SLIT2: variants seen among roughly 807,000 people sequenced by gnomAD.
The protein encoded by SLIT2 is slit guidance ligand 2.
Under a neutral mutation model 185.7 loss-of-function variants are expected in SLIT2, and 41 were observed. The ratio of observed to expected loss-of-function variants is 0.22; its 90% CI spans 0.17 to 0.29. SLIT2 has a LOEUF of 0.29. Among genes scored for constraint, SLIT2 ranks in the 10% least tolerant of loss-of-function variants. The pLI is 1.00. For synonymous variants in SLIT2, 693 were observed against 680.2 expected (o/e 1.02, Z -0.29); for missense variants, 1,571 against 1,909.0 (o/e 0.82, Z 3.30).
At chr4:20,606,013 T>G (rs1235893365) in intron 33 of SLIT2, among the ~76,000 whole-genome samples, 1 of 151,970 alleles carries the variant, frequency 6.6e-6, no homozygotes, top group Admixed American at 6.6e-5. Flanking sequence ...CCTCCCAAAG[T>G]GCTAGGATTA....
At chr4:20,257,565 G>A (rs1711978348) in intron 2 of SLIT2, among the ~76,000 whole-genome samples, 1 of 151,962 alleles carries the variant, frequency 6.6e-6, no homozygotes, top group Non-Finnish European at 1.5e-5. Context: ...ATCAAAGAAA[G>A]CTATCAAAGC....
intron 3 of SLIT2, among the ~76,000 whole-genome samples, chr4:20,268,343 T>G (rs2109027529): frequency 6.6e-6 from 1 of 151,870 alleles, no homozygotes; most frequent in East Asian, 1.9e-4. Context: ...CACACCTTTT[T>G]TTTTTTTCCT....
intron 30 of SLIT2, among the ~76,000 whole-genome samples, chr4:20,594,301 A>G (rs1207479061): frequency 6.6e-6 from 1 of 151,150 alleles, no homozygotes; most frequent in Non-Finnish European, 1.5e-5. Context: ...GTATATATAT[A>G]TATGTGTGTG....
At chr4:20,264,063 A>G (rs1181393434) in intron 3 of SLIT2, among the ~76,000 whole-genome samples, 1 of 151,834 alleles carries the variant, frequency 6.6e-6, no homozygotes, top group Non-Finnish European at 1.5e-5. Flanking sequence ...AAATACCGGG[A>G]AGTAAGGGGA....
intron 34 of SLIT2, among the ~76,000 whole-genome samples, chr4:20,611,273 G>A (rs1035480589): frequency 6.6e-6 from 1 of 152,086 alleles, no homozygotes; most frequent in African/African-American, 2.4e-5. Context: ...TCTAAGCCTA[G>A]GACATTTCTG....
At chr4:20,431,101 A>G (rs558415113) in intron 4 of SLIT2, among the ~76,000 whole-genome samples, 1 of 152,326 alleles carries the variant, frequency 6.6e-6, no homozygotes, top group African/African-American at 2.4e-5. Flanking sequence ...TCATGTTTGT[A>G]ATATTTTTCT....
At chr4:20,595,662 T>A in intron 30 of SLIT2, 35 bp from the exon 31 acceptor site, 2 of 1,608,582 alleles carry the variant, frequency 1.2e-6, no homozygotes, top group Non-Finnish European at 1.7e-6. Context: ...TTTGGCTCAG[T>A]TGGGTTTGAA....
chr4:20,606,445 G>A (rs932873112), intron 33 of SLIT2, among the ~76,000 whole-genome samples: 7 of 150,286 alleles, frequency 4.7e-5, no homozygotes, highest in Non-Finnish European at 7.4e-5. Flanking sequence ...TTATGTCACC[G>A]TACTCCAGCC....
chr4:20,527,914 C>G (rs1183476705), intron 15 of SLIT2, among the ~76,000 whole-genome samples: 1 of 151,968 alleles, frequency 6.6e-6, no homozygotes, highest in Non-Finnish European at 1.5e-5. Context: ...CCTTTTCAAT[C>G]CTGATGTACC....
At chr4:20,397,898 G>A (rs909821041) in intron 4 of SLIT2, among the ~76,000 whole-genome samples, 3 of 151,800 alleles carry the variant, frequency 2.0e-5, no homozygotes, top group Non-Finnish European at 4.4e-5. Flanking sequence ...GCTAAGTAGA[G>A]GGAGAAGTCA....
At position 20,510,496 on chromosome 4, in the gene SLIT2, C is replaced by T. The variant is rs755106814; in HGVS notation, c.916C>T (p.Arg306Cys). ...TNLPETITEI[R>C]LEQNTIKVIP... is the part of the protein sequence containing the mutation. ...AAGTTGAATTTTTTTTCATTGCAGA[C>T]GTTTGGAACAGAACACAATCAAAGT... The change falls in exon 10 of 37, where the codon CGT (arginine) becomes TGT (cysteine). Residue 306 changes from arginine (R) to cysteine (C), a missense_variant and splice_region_variant. Around this residue, in one of 3 missense-constraint regions of SLIT2, gnomAD observed 1,202 missense variants for 1,416.4 expected, o/e 0.85. Transcript: ENST00000504154. The T allele has an allele frequency of 1.9e-6, 3 of 1,606,598 alleles. No individual in the cohort carries two copies. The highest frequency in any genetic ancestry group is 3.3e-5 in the Admixed American group (2 of 59,894).
At chr4:20,601,878 G>A (rs887840413) in intron 33 of SLIT2, among the ~76,000 whole-genome samples, 2 of 151,982 alleles carry the variant, frequency 1.3e-5, no homozygotes, top group Non-Finnish European at 2.9e-5. Context: ...ATTTACTTTG[G>A]TAAAACATTG....
chr4:20,382,134 G>A (rs1398391808), intron 4 of SLIT2, among the ~76,000 whole-genome samples: 4 of 151,874 alleles, frequency 2.6e-5, no homozygotes, highest in Non-Finnish European at 5.9e-5. Context: ...TTTTCAAAAG[G>A]AAAAAGGATT....
intron 4 of SLIT2, among the ~76,000 whole-genome samples, chr4:20,309,173 T>C (rs1717847090): frequency 6.6e-6 from 1 of 152,170 alleles, no homozygotes; most frequent in African/African-American, 2.4e-5. Context: ...CCAAAAGTTA[T>C]ATTCTAGATA....
At chr4:20,456,768 A>G (rs1233148702) in intron 4 of SLIT2, among the ~76,000 whole-genome samples, 1 of 152,132 alleles carries the variant, frequency 6.6e-6, no homozygotes, top group Non-Finnish European at 1.5e-5. Context: ...TGGACACAGT[A>G]TTGAGAGAAT....
intron 11 of SLIT2, among the ~76,000 whole-genome samples, chr4:20,511,586 A>AATTTTTTTTTTTTTT (rs1719725291): frequency 3.9e-5 from 1 of 25,458 alleles, no homozygotes; most frequent in East Asian, 5.9e-3. Flanking sequence ...ACATCCAGCT[A>AATTTTTTTTTTTTTT]ATTTTTTTTT....
At chr4:20,432,726 C>T (rs991387496) in intron 4 of SLIT2, among the ~76,000 whole-genome samples, 6 of 149,206 alleles carry the variant, frequency 4.0e-5, no homozygotes, top group African/African-American at 1.5e-4. Flanking sequence ...ATTTTACAAG[C>T]TGGAAAAAAT....
At position 20,472,582 on chromosome 4, in the gene SLIT2, A is replaced by ATATAGATATC. The variant is rs1333171656; in HGVS notation, c.467+4763_467+4764insGATATCTATA. On this transcript the variant is annotated intron_variant, in intron 5 of 36. Transcript: ENST00000504154. ...TATATATCTATATATAGATATATCT[A>ATATAGATATC]TATATAGATATATATCTATAGATAT... Among the ~76,000 whole-genome samples, 7 of 18,668 alleles carry ATATAGATATC rather than the reference A, an allele frequency of 3.7e-4. 3 individuals are homozygous for ATATAGATATC. Among genetic ancestry groups the ATATAGATATC allele is most frequent in the African/African-American group, 3.1e-3 (7 of 2,242 alleles). 12.2% of individuals were successfully genotyped at this position (18,668 alleles called of 152,430 possible).
Position 20,471,018 on chromosome 4 carries a change from A to G in SLIT2, c.467+3195A>G, listed in dbSNP as rs141603639. 2.7e-3 allele frequency among the ~76,000 whole-genome samples: 418 copies of G among 152,284 alleles called. 2 individuals are homozygous for G. Among genetic ancestry groups the G allele is most frequent in the African/African-American group, 9.6e-3 (398 of 41,558 alleles). ...CTACAGAAGAAAAGGGGCTTCAGAAACTATGTGGATGATGAGTGATGTTGA... is the reference window on the plus strand; with the variant it reads ...CTACAGAAGAAAAGGGGCTTCAGAAGCTATGTGGATGATGAGTGATGTTGA... On this transcript the variant is annotated intron_variant, in intron 5 of 36. Coordinates refer to ENST00000504154, the MANE Select transcript of SLIT2 (RefSeq NM_004787.4).
Sources: allele counts gnomAD v4.1 joint callset (sites outside exome capture counted in the v4.1 genomes callset), GRCh38; gene constraint gnomAD v4.1.1; regional missense constraint gnomAD v4.1.1; transcripts MANE v1.5; gene names NCBI Gene and HGNC (gene_info 2026-07-23, HGNC 2026-07-21).